The following BCAR1 variants were observed in gnomAD, a reference collection of about 807,000 sequenced individuals.
BCAR1 encodes the protein BCAR1 scaffold protein, Cas family member.
Under a neutral mutation model 67.6 loss-of-function variants are expected in BCAR1, and 30 were observed. That is an observed-to-expected ratio of 0.44 (90% confidence interval 0.33 to 0.60). The LOEUF (loss-of-function observed/expected upper bound fraction) is 0.60. Among genes scored for constraint, BCAR1 ranks in the 20% least tolerant of loss-of-function variants. The pLI is 0.02. For missense variants in BCAR1, 1,313 were observed against 1,222.3 expected, an observed-to-expected ratio of 1.07 and a Z score of -1.11; for synonymous variants, 626 against 556.7, an observed-to-expected ratio of 1.12 and a Z score of -1.75.
intron 2 of BCAR1, 60 bp from the exon 3 acceptor site, chr16:75,237,404 T>C (rs983010111): frequency 1.4e-6 from 2 of 1,402,272 alleles, no homozygotes; most frequent in African/African-American, 3.0e-5. Flanking sequence ...GAGGCTCCAC[T>C]CACACCTGGG....
intron 1 of BCAR1, among the ~76,000 whole-genome samples, chr16:75,265,579 C>T (rs887283225): frequency 6.6e-5 from 10 of 151,978 alleles, no homozygotes; most frequent in Admixed American, 1.3e-4. Flanking sequence ...GGGGGGCTCC[C>T]CGAGGGGACA....
At position 75,242,803 on chromosome 16, in the gene BCAR1, C is replaced by A. The variant is rs767982253; in HGVS notation, c.300G>T (p.Thr100=). The A allele has an allele frequency of 5.6e-6, 9 of 1,602,402 alleles. No homozygotes were observed. Among genetic ancestry groups the A allele is most frequent in the Non-Finnish European group, 7.7e-6 (9 of 1,175,048 alleles). ...HAPAPPASQY[T]PMLPNTYQPQ... ...GCTGGTAGGTGTTGGGGAGCATGGGCGTGTACTGGGAGGCCGGAGGCGCTG... is the reference window on the plus strand; with the variant it reads ...GCTGGTAGGTGTTGGGGAGCATGGGAGTGTACTGGGAGGCCGGAGGCGCTG... Residue 100 remains threonine, a synonymous_variant, in exon 2 of 7, where the codon ACG becomes ACT. Transcript: ENST00000162330.
At chr16:75,248,185 C>T in intron 1 of BCAR1, 1 of 1,572,194 alleles carries the variant, frequency 6.4e-7, no homozygotes, top group East Asian at 2.4e-5. Context: ...TTTATCTCCA[C>T]CGAGGGGTGA....
intron 2 of BCAR1, chr16:75,238,346 G>C: frequency 1.8e-6 from 2 of 1,116,178 alleles, no homozygotes; most frequent in Non-Finnish European, 2.2e-6. Context: ...TCTCTCCACT[G>C]AAAGACCTTT....
At chr16:75,231,848 C>G (rs2076911447) in intron 6 of BCAR1, among the ~76,000 whole-genome samples, 1 of 152,240 alleles carries the variant, frequency 6.6e-6, no homozygotes, top group African/African-American at 2.4e-5. Flanking sequence ...TCTCTCTAGA[C>G]AGAGATATAG....
chr16:75,255,345 C>A (rs1413458361), upstream of BCAR1, among the ~76,000 whole-genome samples: 2 of 152,080 alleles, frequency 1.3e-5, no homozygotes, highest in African/African-American at 4.8e-5. Flanking sequence ...GCACTGCCAG[C>A]CCCAGGAACA....
chr16:75,230,144 C>A (rs891763325), intron 6 of BCAR1, 121 bp from the exon 7 acceptor site: 5 of 1,261,580 alleles, frequency 4.0e-6, no homozygotes, highest in Non-Finnish European at 4.2e-6. Context: ...GTGCATGGGA[C>A]TGCAGGGAAA....
At chr16:75,264,753 G>T in intron 1 of BCAR1, 2 of 857,196 alleles carry the variant, frequency 2.3e-6, no homozygotes, top group Non-Finnish European at 3.0e-6. Flanking sequence ...AGCCCCCACT[G>T]CCTGCTTCAC....
intron 1 of BCAR1, among the ~76,000 whole-genome samples, chr16:75,257,616 G>A (rs1487864737): frequency 6.6e-6 from 1 of 152,204 alleles, no homozygotes; most frequent in Non-Finnish European, 1.5e-5. Context: ...CGCCATGCCT[G>A]GCTAATTTTT....
chr16:75,260,953 C>T (rs999440571), intron 1 of BCAR1, among the ~76,000 whole-genome samples: 1 of 152,180 alleles, frequency 6.6e-6, no homozygotes, highest in Non-Finnish European at 1.5e-5. Context: ...TTTGTGTCTT[C>T]TGCCATAATC....
chr16:75,267,566 C>T (rs2078026749), intron 1 of BCAR1, among the ~76,000 whole-genome samples: 1 of 152,162 alleles, frequency 6.6e-6, no homozygotes, highest in South Asian at 2.1e-4. Context: ...GCCACACGCC[C>T]TGCTGTCTCT....
chr16:75,263,409 G>C, intron 1 of BCAR1: 1 of 985,418 alleles, frequency 1.0e-6, no homozygotes, highest in Non-Finnish European at 1.2e-6. Flanking sequence ...GAAGGCATGG[G>C]AATACCCACA....
At chr16:75,261,918 G>A (rs1425360887) in intron 1 of BCAR1, among the ~76,000 whole-genome samples, 2 of 152,236 alleles carry the variant, frequency 1.3e-5, no homozygotes, top group Non-Finnish European at 2.9e-5. Context: ...CTCCACAGCA[G>A]TAGCTGCTGT....
intron 2 of BCAR1, chr16:75,238,826 G>GA: frequency 1.0e-6 from 1 of 985,442 alleles, no homozygotes; most frequent in Non-Finnish European, 1.2e-6. Flanking sequence ...GGGGCGGAGG[G>GA]ACGTGGCAGG....
Position 75,229,051 on chromosome 16 carries a change from T to G in BCAR1, c.*460A>C, listed in dbSNP as rs2076799493. The G allele has an allele frequency of 6.5e-6, 1 of 154,600 alleles. No individual in the cohort carries two copies. The highest frequency in any genetic ancestry group is 2.4e-5 in the African/African-American group (1 of 41,558). 9.6% of individuals were successfully genotyped at this position (154,600 alleles called of 1,614,324 possible). A position where few individuals can be genotyped will look rare whatever the true frequency, so the allele number is the denominator to read the frequency against. ...CAGCTGCTCTTCCTTTTAAAAACTTTATTTAAATGGAGACTCTTAGTCAAA... is the reference window on the plus strand; with the variant it reads ...CAGCTGCTCTTCCTTTTAAAAACTTGATTTAAATGGAGACTCTTAGTCAAA... On this transcript the variant is annotated 3_prime_UTR_variant, in exon 7 of 7. Transcript: ENST00000162330.
chr16:75,244,700 A>G (rs1313011575), intron 1 of BCAR1, among the ~76,000 whole-genome samples: 1 of 152,188 alleles, frequency 6.6e-6, no homozygotes, highest in Non-Finnish European at 1.5e-5. Context: ...AGCCAGGAGG[A>G]GCAAGGCCCA....
Position 75,238,018 on chromosome 16 carries a change from G to A in BCAR1, c.634-674C>T, listed in dbSNP as rs2077203401. On this transcript the variant is annotated intron_variant, in intron 2 of 6. Transcript: ENST00000162330. Reference sequence around the variant, plus strand: ...CTGCCTGCAGCAGGTAAGATCCCCAGCGACCTGAAAGGATGAGGCCTAGTG... The same window carrying A: ...CTGCCTGCAGCAGGTAAGATCCCCAACGACCTGAAAGGATGAGGCCTAGTG... 4 of 1,286,748 alleles carry A rather than the reference G, an allele frequency of 3.1e-6. 1 individual carries two copies. The South Asian group carries it at 4.9e-5, about 16-fold the overall frequency. The allele number at this position is 1,286,748 out of a possible 1,614,324, so 79.7% of individuals were successfully genotyped here.
intron 4 of BCAR1, chr16:75,236,598 G>A (rs2077144695): frequency 2.0e-6 from 1 of 503,962 alleles, no homozygotes; most frequent in African/African-American, 1.9e-5. Context: ...TTCACTCTTG[G>A]AAGTATCCCA....
intron 1 of BCAR1, chr16:75,265,962 G>A: frequency 9.3e-7 from 1 of 1,071,934 alleles, no homozygotes; most frequent in South Asian, 4.5e-5. Flanking sequence ...GCTCCTGAGC[G>A]TTCCCGGACG....
Sources: allele counts gnomAD v4.1 joint callset (sites outside exome capture counted in the v4.1 genomes callset), GRCh38; gene constraint gnomAD v4.1.1; transcripts MANE v1.5; gene names NCBI Gene and HGNC (gene_info 2026-07-23, HGNC 2026-07-21).